FBXW8: variants seen among roughly 807,000 people sequenced by gnomAD.
The protein encoded by FBXW8 is F-box/WD repeat-containing protein 8.
Under a neutral mutation model 65.3 loss-of-function variants are expected in FBXW8, and 57 were observed. That is an observed-to-expected ratio of 0.87 (90% CI 0.71 to 1.09). FBXW8 has a LOEUF of 1.09. Among genes scored for constraint, FBXW8 ranks in the 50% least tolerant of loss-of-function variants. The probability of loss-of-function intolerance (pLI) is 0.00; values close to 1 mark genes in which losing one functional copy is unlikely to be tolerated. For missense variants in FBXW8, 777 were observed against 814.8 expected, an observed-to-expected ratio of 0.95 and a Z score of 0.57; for synonymous variants, 308 against 330.2, an observed-to-expected ratio of 0.93 and a Z score of 0.73.
Position 117,028,109 on chromosome 12 carries a change from C to T in FBXW8, c.1734C>T (p.Ser578=), listed in dbSNP as rs753116676. ...GCCCTCTCCCTGTCTGCCGTTCATCCTGTGACGCCATGGCCACTCACTACT... is the reference window on the plus strand; with the variant it reads ...GCCCTCTCCCTGTCTGCCGTTCATCTTGTGACGCCATGGCCACTCACTACT... The part of the protein sequence containing the change: ...FQSPLPVCRS[S]CDAMATHYYD... Residue 578 remains serine (S), a synonymous_variant, in exon 11 of 11, where the codon TCC becomes TCT. Transcript: ENST00000652555. The surrounding 1 kb of genome is among the most constrained non-coding windows in gnomAD (Gnocchi z 4.1). 11 of 1,614,090 alleles carry T rather than the reference C, an allele frequency of 6.8e-6. No individual in the cohort carries two copies. In the East Asian group the frequency reaches 2.2e-4, roughly 33 times the overall value.
intron 2 of FBXW8, among the ~76,000 whole-genome samples, chr12:116,928,857 C>T (rs1349852530): frequency 1.3e-5 from 2 of 152,192 alleles, no homozygotes; most frequent in African/African-American, 2.4e-5. Context: ...GTCGCCCAGG[C>T]TGGAGTGCAG....
chr12:116,985,356 A>AG lies in FBXW8; in HGVS notation c.988dup (p.Glu330GlyfsTer11). ...GATGTCGTGATGTTATCCCCCAATGAGGAGGGGTACTGGCAGATAGCTGCG... is the reference window on the plus strand; with the variant it reads ...GATGTCGTGATGTTATCCCCCAATGAGGGAGGGGTACTGGCAGATAGCTGCG... On this transcript the variant is annotated frameshift_variant, in exon 6 of 11. Coordinates refer to ENST00000652555, the MANE Select transcript of FBXW8 (RefSeq NM_153348.3). LOFTEE classifies it high-confidence loss of function. The AG allele has an allele frequency of 6.2e-7, 1 of 1,614,132 alleles. No individual in the cohort carries two copies. The highest frequency in any genetic ancestry group is 8.5e-7 in the Non-Finnish European group (1 of 1,180,022).
At chr12:116,917,849 G>A (rs575993721) in intron 1 of FBXW8, among the ~76,000 whole-genome samples, 16 of 152,168 alleles carry the variant, frequency 1.1e-4, no homozygotes, top group African/African-American at 3.4e-4. Flanking sequence ...ATAATTAGCC[G>A]GGTGTGGTGG....
intron 5 of FBXW8, among the ~76,000 whole-genome samples, chr12:116,984,893 A>C (rs1453071135): frequency 6.6e-6 from 1 of 152,172 alleles, no homozygotes; most frequent in Non-Finnish European, 1.5e-5. Context: ...GGGAGGCTGA[A>C]GCAGGAAGAT....
At position 116,967,850 on chromosome 12, in the gene FBXW8, T is replaced by C. The variant is rs116598134; in HGVS notation, c.835+2996T>C. Among the ~76,000 whole-genome samples, 1,246 of 152,310 alleles carry C rather than the reference T, an allele frequency of 8.2e-3. 12 individuals are homozygous for C. The highest frequency in any genetic ancestry group is 0.027 in the African/African-American group (1,122 of 41,560). On this transcript the variant is annotated intron_variant, in intron 5 of 10. Coordinates refer to ENST00000652555, the MANE Select transcript of FBXW8 (RefSeq NM_153348.3). ...GGTGCGATCTCGACTCACTACAACC[T>C]CCGTCTCCTGGGGTCAGGCGATTCT...
chr12:116,910,991 G>C lies in FBXW8; in HGVS notation c.-47G>C. 7.4e-7 allele frequency: 1 copy of C among 1,344,714 alleles called. No homozygotes were observed. The highest frequency in any genetic ancestry group is 4.0e-5 in the Admixed American group (1 of 25,316). The allele number at this position is 1,344,714 out of a possible 1,614,324, so 83.3% of individuals were successfully genotyped here. A position where few individuals can be genotyped will look rare whatever the true frequency, so the allele number is the denominator to read the frequency against. On this transcript the variant is annotated 5_prime_UTR_variant, in exon 1 of 11. Coordinates refer to ENST00000652555, the MANE Select transcript of FBXW8 (RefSeq NM_153348.3). ...CTTCCCTGGGCGGGACTGTCTCGTG[G>C]CACCCGGTGGAACCGAGGAGAACGT...
chr12:116,953,900 G>A (rs984788761), intron 4 of FBXW8, among the ~76,000 whole-genome samples: 1 of 152,126 alleles, frequency 6.6e-6, no homozygotes, highest in Non-Finnish European at 1.5e-5. Context: ...CAGATCATGA[G>A]GTCAGGAGTT....
intron 1 of FBXW8, among the ~76,000 whole-genome samples, chr12:116,919,704 A>AT (rs1459826949): frequency 6.6e-6 from 1 of 152,206 alleles, no homozygotes; most frequent in Admixed American, 6.5e-5. Flanking sequence ...AGTTGAAATA[A>AT]TGTGGGCAAA....
rs375263486 is a variant in FBXW8 at position 116,937,386 on chromosome 12, C to T, written c.424-7978C>T. On this transcript the variant is annotated intron_variant, in intron 2 of 10. Coordinates refer to ENST00000652555, the MANE Select transcript of FBXW8 (RefSeq NM_153348.3). The stretch of plus-strand genomic sequence containing the variant: ...TAGAGGAGGGGTTCAGGGATGGAGC[C>T]CTGGTGCTCCACAAGGATTAGAGGC... Among the ~76,000 whole-genome samples, 10 of 152,176 alleles carry T rather than the reference C, an allele frequency of 6.6e-5. No individual in the cohort carries two copies. In the South Asian group the frequency reaches 2.1e-3, roughly 32 times the overall value.
At chr12:116,982,286 C>A (rs1885356471) in intron 5 of FBXW8, among the ~76,000 whole-genome samples, 1 of 152,144 alleles carries the variant, frequency 6.6e-6, no homozygotes, top group Non-Finnish European at 1.5e-5. Context: ...TATAAAGACA[C>A]AAGCGAAAAG....
intron 3 of FBXW8, among the ~76,000 whole-genome samples, chr12:116,947,736 C>CAAA (rs60233448): frequency 1.3e-5 from 1 of 74,500 alleles, no homozygotes; most frequent in South Asian, 3.9e-4. Context: ...GAGACTGTCT[C>CAAA]AAAAAAAAAA....
chr12:116,994,334 G>T (rs1301833648), intron 7 of FBXW8, among the ~76,000 whole-genome samples: 4 of 152,160 alleles, frequency 2.6e-5, no homozygotes, highest in Non-Finnish European at 5.9e-5. Context: ...TGGTGTAAAA[G>T]TAAATACATA....
At chr12:116,985,540 C>T in intron 6 of FBXW8, 138 bp downstream of exon 6, 1 of 802,412 alleles carries the variant, frequency 1.2e-6, no homozygotes, top group Non-Finnish European at 1.9e-6. Context: ...CTAACTACAG[C>T]CTTACAAAAT....
intron 6 of FBXW8, chr12:116,986,980 A>C (rs1015739713): frequency 3.3e-5 from 5 of 152,130 alleles, no homozygotes; most frequent in African/African-American, 4.8e-5. Context: ...ACGTTTTAGG[A>C]ATTATTTTTC....
chr12:116,953,391 C>T (rs913176226), intron 4 of FBXW8, among the ~76,000 whole-genome samples: 6 of 152,254 alleles, frequency 3.9e-5, no homozygotes, highest in African/African-American at 1.2e-4. Context: ...GTGAGGCTGC[C>T]GTTTCCAGCC....
At chr12:117,007,273 C>A (rs895486635) in intron 7 of FBXW8, among the ~76,000 whole-genome samples, 3 of 150,880 alleles carry the variant, frequency 2.0e-5, no homozygotes, top group Non-Finnish European at 4.4e-5. Flanking sequence ...AAAAAAAAAA[C>A]AGATGAATAG....
chr12:116,911,120 G>A lies in FBXW8; in HGVS notation c.83G>A (p.Arg28Gln), dbSNP rs931462175. The stretch of plus-strand genomic sequence containing the variant: ...GCCCAGGCGCCGAAGAAGCGGCGAC[G>A]GCCCGAGGCTGCCGAGAGGCGGGCT... Reference protein sequence around the residue: ...AQAQAPKKRRRPEAAERRARR... With the variant: ...AQAQAPKKRRQPEAAERRARR... The change falls in exon 1 of 11, where the codon CGG (arginine) becomes CAG (glutamine). Residue 28 changes from arginine to glutamine, a missense_variant. Arg to Gln is a conservative substitution (Grantham distance 43). Coordinates refer to ENST00000652555, the MANE Select transcript of FBXW8 (RefSeq NM_153348.3). 3.6e-6 allele frequency: 5 copies of A among 1,378,914 alleles called. No homozygotes were observed. In the African/African-American group the frequency reaches 7.6e-5, roughly 21 times the overall value. The allele number at this position is 1,378,914 out of a possible 1,614,324, so 85.4% of individuals were successfully genotyped here.
intron 9 of FBXW8, 23 bp downstream of exon 9, chr12:117,024,343 T>C: frequency 6.2e-7 from 1 of 1,613,334 alleles, no homozygotes; most frequent in Non-Finnish European, 8.5e-7. Context: ...CTAGACACTC[T>C]TGGGAGTTCC....
intron 9 of FBXW8, among the ~76,000 whole-genome samples, chr12:117,024,653 C>CT (rs1165994167): frequency 6.6e-6 from 1 of 152,198 alleles, no homozygotes; most frequent in African/African-American, 2.4e-5. Context: ...ATTTCTCCAT[C>CT]TTAATAAACA....
Sources: allele counts gnomAD v4.1 joint callset (sites outside exome capture counted in the v4.1 genomes callset), GRCh38; gene constraint gnomAD v4.1.1; non-coding constraint Gnocchi (gnomAD v3.1); transcripts MANE v1.5; gene names NCBI Gene and HGNC (gene_info 2026-07-23, HGNC 2026-07-21).